The following HPSE2 variants were observed in gnomAD, a reference collection of about 807,000 sequenced individuals.
HPSE2 encodes the protein heparanase 2 (inactive).
A neutral mutation model predicts 60.5 loss-of-function variants in HPSE2; 38 were observed. The observed-to-expected ratio is 0.63, with a 90% CI of 0.48 to 0.82. The LOEUF (loss-of-function observed/expected upper bound fraction) is 0.82. Ranked by LOEUF, HPSE2 falls within the 40% of genes least tolerant of loss-of-function variation. The probability of loss-of-function intolerance (pLI) is 0.00; values close to 1 mark genes in which losing one functional copy is unlikely to be tolerated. For synonymous variants in HPSE2, 295 were observed against 293.2 expected, an observed-to-expected ratio of 1.01 and a Z score of -0.06; for missense variants, 713 against 740.4, an observed-to-expected ratio of 0.96 and a Z score of 0.43.
intron 9 of HPSE2, among the ~76,000 whole-genome samples, chr10:98,523,960 C>A (rs1174234288): frequency 6.6e-6 from 1 of 152,120 alleles, no homozygotes; most frequent in Non-Finnish European, 1.5e-5. Flanking sequence ...AGCTTAGGGG[C>A]CTTTCATAAT....
intron 3 of HPSE2, among the ~76,000 whole-genome samples, chr10:98,970,089 G>C (rs1955913616): frequency 6.6e-6 from 1 of 151,940 alleles, no homozygotes; most frequent in Non-Finnish European, 1.5e-5. Context: ...ATCCTCCCAA[G>C]TAGCTGAGAT....
chr10:99,149,261 TA>T, intron 2 of HPSE2, among the ~76,000 whole-genome samples: 1 of 151,694 alleles, frequency 6.6e-6, no homozygotes, highest in East Asian at 1.9e-4. Flanking sequence ...CATGAAGGAG[TA>T]AGTTTCCCAT....
At chr10:98,707,614 C>T (rs1948579473) in intron 5 of HPSE2, among the ~76,000 whole-genome samples, 1 of 152,136 alleles carries the variant, frequency 6.6e-6, no homozygotes, top group Non-Finnish European at 1.5e-5. Flanking sequence ...CACCCTATAT[C>T]TCAAAGAAAA....
intron 3 of HPSE2, among the ~76,000 whole-genome samples, chr10:99,036,355 T>C (rs1266605751): frequency 6.6e-6 from 1 of 152,150 alleles, no homozygotes; most frequent in East Asian, 1.9e-4. Flanking sequence ...CTTGTGTTGC[T>C]AGAAAGACAG....
chr10:98,811,942 T>A (rs1951177552), intron 3 of HPSE2, among the ~76,000 whole-genome samples: 1 of 152,188 alleles, frequency 6.6e-6, no homozygotes, highest in Non-Finnish European at 1.5e-5. Context: ...AATAATACTA[T>A]ATTTTAAAGT....
chr10:98,624,853 C>G (rs1004344605), intron 7 of HPSE2, among the ~76,000 whole-genome samples: 4 of 152,170 alleles, frequency 2.6e-5, no homozygotes, highest in African/African-American at 9.7e-5. Context: ...GAGCACAGAA[C>G]TAGCAGATAA....
intron 3 of HPSE2, among the ~76,000 whole-genome samples, chr10:98,877,677 A>T (rs575828405): frequency 6.6e-6 from 1 of 151,960 alleles, no homozygotes; most frequent in Non-Finnish European, 1.5e-5. Context: ...ATAAACTGAT[A>T]AAGAATCGAT....
intron 3 of HPSE2, among the ~76,000 whole-genome samples, chr10:98,973,858 AG>A (rs199991411): frequency 0.03 from 4,524 of 149,882 alleles, 142 homozygotes; most frequent in African/African-American, 0.082. Context: ...AAGGAAAAAA[AG>A]GGGGGGGGAG....
intron 5 of HPSE2, among the ~76,000 whole-genome samples, chr10:98,694,506 A>G (rs484602): frequency 0.35 from 53,725 of 152,100 alleles, 9,731 homozygotes; most frequent in Admixed American, 0.41. Context: ...GAAATCTATC[A>G]TCTACTTTTG....
intron 3 of HPSE2, among the ~76,000 whole-genome samples, chr10:98,830,200 T>C (rs141725885): frequency 5.3e-5 from 8 of 152,328 alleles, no homozygotes; most frequent in Non-Finnish European, 1.0e-4. Context: ...CTGCAGTGAA[T>C]GAGGCATATG....
chr10:98,805,810 T>A (rs1381473524), intron 3 of HPSE2, among the ~76,000 whole-genome samples: 5 of 152,190 alleles, frequency 3.3e-5, no homozygotes, highest in African/African-American at 1.2e-4. Context: ...AATGCAAGAT[T>A]TCCAAAATTT....
chr10:98,915,612 AC>A (rs1215372877), intron 3 of HPSE2, among the ~76,000 whole-genome samples: 4 of 152,198 alleles, frequency 2.6e-5, no homozygotes, highest in Non-Finnish European at 5.9e-5. Flanking sequence ...CGCTTTAACA[AC>A]ATAACCAAAA....
chr10:98,698,445 G>C (rs1948296138), intron 5 of HPSE2, among the ~76,000 whole-genome samples: 1 of 151,692 alleles, frequency 6.6e-6, no homozygotes, highest in African/African-American at 2.4e-5. Context: ...AAACCAACGA[G>C]AACAAAGACA....
the HPSE2 span, among the ~76,000 whole-genome samples, chr10:99,287,997 A>G: frequency 6.6e-6 from 1 of 152,222 alleles, no homozygotes; most frequent in African/African-American, 2.4e-5. Context: ...TAAAGGGGTT[A>G]GGTCATGTCA....
chr10:98,695,053 G>C (rs1948176091), intron 5 of HPSE2, among the ~76,000 whole-genome samples: 1 of 152,224 alleles, frequency 6.6e-6, no homozygotes, highest in Non-Finnish European at 1.5e-5. Context: ...CATGCTGTGT[G>C]GGTTGCTGTG....
At chr10:99,185,133 C>G (rs992968022) in intron 2 of HPSE2, among the ~76,000 whole-genome samples, 1 of 151,288 alleles carries the variant, frequency 6.6e-6, no homozygotes, top group African/African-American at 2.4e-5. Flanking sequence ...AGCCCTGTCT[C>G]GACTAAATAT....
At chr10:98,704,161 T>C (rs542784427) in intron 5 of HPSE2, among the ~76,000 whole-genome samples, 2 of 152,168 alleles carry the variant, frequency 1.3e-5, no homozygotes, top group Admixed American at 6.5e-5. Context: ...CTATTCGCAA[T>C]TGCTACAAAG....
chr10:98,850,169 C>T (rs1035648079), intron 3 of HPSE2, among the ~76,000 whole-genome samples: 73 of 152,106 alleles, frequency 4.8e-4, no homozygotes, highest in African/African-American at 1.6e-3. Context: ...TAGTCTTATA[C>T]ATGCTAATGG....
chr10:98,494,808 G>A (rs1469135930), intron 9 of HPSE2, among the ~76,000 whole-genome samples: 1 of 152,068 alleles, frequency 6.6e-6, no homozygotes, highest in African/African-American at 2.4e-5. Context: ...ACAAACCAAA[G>A]TAACAATAAC....
Sources: gnomAD v4.1 joint callset for allele counts (sites outside exome capture counted in the v4.1 genomes callset) on GRCh38, gnomAD v4.1.1 for gene constraint, MANE v1.5 for transcripts, NCBI Gene and HGNC (gene_info 2026-07-23, HGNC 2026-07-21) for gene names.